DPP10: variants seen among roughly 807,000 people sequenced by gnomAD.
The protein encoded by DPP10 is dipeptidyl peptidase like 10.
DPP10 carries 33 observed loss-of-function variants against 120.9 expected under a neutral mutation model. The ratio of observed to expected loss-of-function variants is 0.27; its 90% confidence interval spans 0.21 to 0.37. DPP10 has a LOEUF of 0.37. DPP10 is among the 10% of genes least tolerant of loss of function. The probability of loss-of-function intolerance (pLI) is 1.00; values close to 1 mark genes in which losing one functional copy is unlikely to be tolerated. For missense variants in DPP10, 816 were observed against 942.8 expected, an observed-to-expected ratio of 0.87 and a Z score of 1.76; for synonymous variants, 337 against 326.1, an observed-to-expected ratio of 1.03 and a Z score of -0.36.
chr2:115,697,767 C>T (rs964980310), intron 7 of DPP10, among the ~76,000 whole-genome samples: 1 of 151,870 alleles, frequency 6.6e-6, no homozygotes, highest in Non-Finnish European at 1.5e-5. Flanking sequence ...GGGCGGATCA[C>T]GAGGTCGGGA....
intron 5 of DPP10, among the ~76,000 whole-genome samples, chr2:115,639,801 T>C (rs889180250): frequency 2.2e-4 from 33 of 152,282 alleles, no homozygotes; most frequent in African/African-American, 7.9e-4. Flanking sequence ...CAGATGGTTC[T>C]TCTGTGCAGT....
intron 1 of DPP10, among the ~76,000 whole-genome samples, chr2:114,757,237 G>A (rs965994479): frequency 6.9e-6 from 1 of 145,710 alleles, no homozygotes; most frequent in Non-Finnish European, 1.5e-5. Flanking sequence ...GGAAGAGGGA[G>A]GAAGGAAGGA....
At chr2:115,605,799 G>A (rs1006710889) in intron 5 of DPP10, among the ~76,000 whole-genome samples, 1 of 152,038 alleles carries the variant, frequency 6.6e-6, no homozygotes. Flanking sequence ...TAGTATGTGA[G>A]AGGATCATTT....
chr2:114,735,617 T>C (rs1210489306), intron 1 of DPP10, among the ~76,000 whole-genome samples: 3 of 152,124 alleles, frequency 2.0e-5, no homozygotes, highest in African/African-American at 7.2e-5. Context: ...GGATTTTGCT[T>C]ACAATCAGGC....
chr2:115,549,794 G>A (rs1275697716), intron 5 of DPP10, among the ~76,000 whole-genome samples: 1 of 152,110 alleles, frequency 6.6e-6, no homozygotes, highest in Non-Finnish European at 1.5e-5. Context: ...ACAATGATAT[G>A]CAAGCTCTGG....
At chr2:115,201,084 CA>C in intron 1 of DPP10, among the ~76,000 whole-genome samples, 1 of 151,580 alleles carries the variant, frequency 6.6e-6, no homozygotes, top group East Asian at 2.0e-4. Context: ...CCAGGCATTA[CA>C]AAATCTGAAA....
At chr2:115,105,659 A>G (rs557682766) in intron 1 of DPP10, among the ~76,000 whole-genome samples, 1 of 152,306 alleles carries the variant, frequency 6.6e-6, no homozygotes, top group African/African-American at 2.4e-5. Context: ...ACCAAACTAT[A>G]TCAATATGAT....
intron 3 of DPP10, among the ~76,000 whole-genome samples, chr2:115,437,360 T>G (rs926146380): frequency 6.6e-6 from 1 of 152,042 alleles, no homozygotes; most frequent in Non-Finnish European, 1.5e-5. Flanking sequence ...TTTCTAACTT[T>G]ATAGAGAGGA....
intron 1 of DPP10, among the ~76,000 whole-genome samples, chr2:114,967,788 T>C (rs1699137550): frequency 4.0e-5 from 6 of 149,194 alleles, no homozygotes; most frequent in Admixed American, 4.0e-4. Flanking sequence ...TTTAACATTA[T>C]CATTATCATT....
intron 1 of DPP10, among the ~76,000 whole-genome samples, chr2:114,946,017 C>G (rs58847590): frequency 0.12 from 17,918 of 152,114 alleles, 1,129 homozygotes; most frequent in Middle Eastern, 0.21. Flanking sequence ...ACCAGTACCA[C>G]TCAAAATTGT....
At chr2:115,319,585 A>T (rs1559414905) in intron 2 of DPP10, among the ~76,000 whole-genome samples, 1 of 152,184 alleles carries the variant, frequency 6.6e-6, no homozygotes, top group Non-Finnish European at 1.5e-5. Context: ...CTGTTCAGGC[A>T]TTTTATTTCT....
intron 11 of DPP10, among the ~76,000 whole-genome samples, chr2:115,755,865 G>T (rs570321898): frequency 8.6e-5 from 13 of 151,716 alleles, no homozygotes; most frequent in African/African-American, 3.1e-4. Flanking sequence ...ATCAATAAAT[G>T]AATGGATTTT....
Position 114,565,303 on chromosome 2 carries a change from A to G in DPP10, c.60+122465A>G, listed in dbSNP as rs567800983. ...TGCCTGGTATAGTGCGTGACATGAA[A>G]TAAGTCCTCAGCAAATACCTATTGG... On this transcript the variant is annotated intron_variant, in intron 1 of 25. Transcript: ENST00000410059. Among the ~76,000 whole-genome samples, 7 of 152,330 alleles carry G rather than the reference A, an allele frequency of 4.6e-5. No homozygotes were observed. The South Asian group carries it at 1.0e-3, about 23-fold the overall frequency.
intron 7 of DPP10, among the ~76,000 whole-genome samples, chr2:115,696,198 T>C (rs1446333113): frequency 6.6e-6 from 1 of 152,068 alleles, no homozygotes; most frequent in Non-Finnish European, 1.5e-5. Flanking sequence ...AAAATATTTT[T>C]AAAAATTAAC....
intron 1 of DPP10, among the ~76,000 whole-genome samples, chr2:114,675,569 A>T (rs931840615): frequency 2.0e-5 from 3 of 152,138 alleles, no homozygotes; most frequent in African/African-American, 7.2e-5. Flanking sequence ...TGAACCACAT[A>T]ATGAAGATAA....
chr2:114,956,640 C>T (rs925904332), intron 1 of DPP10, among the ~76,000 whole-genome samples: 6 of 152,008 alleles, frequency 3.9e-5, no homozygotes, highest in Non-Finnish European at 7.4e-5. Flanking sequence ...ATGGTAAAAG[C>T]AATTGTAAGC....
chr2:115,678,696 A>G (rs1055839345), intron 5 of DPP10, among the ~76,000 whole-genome samples: 2 of 152,210 alleles, frequency 1.3e-5, no homozygotes, highest in African/African-American at 4.8e-5. Context: ...TCCAGACCCC[A>G]GAATGTTACA....
At position 115,772,443 on chromosome 2, in the gene DPP10, T is replaced by G. The variant is rs941639983; in HGVS notation, c.1221+4039T>G. On this transcript the variant is annotated intron_variant, in intron 13 of 25. Coordinates refer to ENST00000410059, the MANE Select transcript of DPP10 (RefSeq NM_020868.6). ...ATTTCCAGATCACTTTCAGTATGAA[T>G]ATATGAAAGCAAAATTTGTGAGTGT... 9.2e-5 allele frequency among the ~76,000 whole-genome samples: 14 copies of G among 152,324 alleles called. No individual in the cohort carries two copies. In the East Asian group the frequency reaches 2.5e-3, roughly 27 times the overall value.
At chr2:114,829,054 C>T (rs957200919) in intron 1 of DPP10, among the ~76,000 whole-genome samples, 5 of 152,070 alleles carry the variant, frequency 3.3e-5, no homozygotes, top group East Asian at 3.9e-4. Context: ...TTTGGGAGAC[C>T]GAGGAGAGTG....
Sources: gnomAD v4.1 joint callset for allele counts (sites outside exome capture counted in the v4.1 genomes callset) on GRCh38, gnomAD v4.1.1 for gene constraint, MANE v1.5 for transcripts, NCBI Gene and HGNC (gene_info 2026-07-23, HGNC 2026-07-21) for gene names.